Variants in HIPK3 observed in about 807,000 individuals in gnomAD.
The protein encoded by HIPK3 is homeodomain-interacting protein kinase 3.
In HIPK3, 47 loss-of-function variants were observed where a neutral mutation model predicts 124.2. The ratio of observed to expected loss-of-function variants is 0.38; its 90% CI spans 0.30 to 0.48. The LOEUF (loss-of-function observed/expected upper bound fraction) is 0.48. Among genes scored for constraint, HIPK3 ranks in the 20% least tolerant of loss-of-function variants. HIPK3 has a pLI of 0.98. For missense variants in HIPK3, 1,286 were observed against 1,454.3 expected, an observed-to-expected ratio of 0.88 and a Z score of 1.88; for synonymous variants, 482 against 515.2, an observed-to-expected ratio of 0.94 and a Z score of 0.87.
intron 9 of HIPK3, 21 bp from the exon 10 acceptor site, chr11:33,347,607 TG>T: frequency 6.2e-7 from 1 of 1,607,028 alleles, no homozygotes. Flanking sequence ...TATTTTCTAT[TG>T]TTTTGCTTTG....
rs111394837 is a variant in HIPK3 at position 33,292,060 on chromosome 11, G to A, written c.1097+4549G>A. ...TACATAGGAAGACCCGTAAAATAAC[G>A]GCTAATATTTTACATAGGGTACTTT... On this transcript the variant is annotated intron_variant, in intron 2 of 16. Transcript: ENST00000303296. 2.4e-3 allele frequency among the ~76,000 whole-genome samples: 368 copies of A among 152,122 alleles called. 1 individual carries two copies. The highest frequency in any genetic ancestry group is 8.3e-3 in the African/African-American group (345 of 41,482).
At chr11:33,273,805 A>T (rs191751449) in intron 1 of HIPK3, among the ~76,000 whole-genome samples, 1 of 152,176 alleles carries the variant, frequency 6.6e-6, no homozygotes, top group Non-Finnish European at 1.5e-5. Flanking sequence ...AAAGTACTAT[A>T]CTCAAGCTTA....
rs1039360500 is a variant in HIPK3, at chr11:33,316,706, C to T, written c.1098-11804C>T. Among the ~76,000 whole-genome samples, 3 of 151,990 alleles carry T rather than the reference C, an allele frequency of 2.0e-5. No homozygotes were observed. The South Asian group carries it at 6.2e-4, about 32-fold the overall frequency. ...GGCATGGTGGTGCACGCCTGTAGTC[C>T]CAGCTACTTGGGATGCTGGAGGGAG... On this transcript the variant is annotated intron_variant, in intron 2 of 16. Coordinates refer to ENST00000303296, the MANE Select transcript of HIPK3 (RefSeq NM_005734.5).
chr11:33,276,225 A>G (rs1231843638), intron 1 of HIPK3, among the ~76,000 whole-genome samples: 1 of 151,792 alleles, frequency 6.6e-6, no homozygotes, highest in Non-Finnish European at 1.5e-5. Context: ...ATGTCCCTTT[A>G]ACTCTAACTA....
intron 1 of HIPK3, among the ~76,000 whole-genome samples, chr11:33,279,324 CAAAA>C (rs869091127): frequency 3.1e-4 from 24 of 77,518 alleles, no homozygotes; most frequent in African/African-American, 1.1e-3. Flanking sequence ...CTCTTTGTCT[CAAAA>C]AAAAAAAAAA....
chr11:33,280,960 T>C (rs1851396353), intron 1 of HIPK3, among the ~76,000 whole-genome samples: 1 of 152,020 alleles, frequency 6.6e-6, no homozygotes, highest in Non-Finnish European at 1.5e-5. Context: ...TACATGGCCC[T>C]GGGAGCTTGT....
intron 3 of HIPK3, among the ~76,000 whole-genome samples, chr11:33,333,667 G>A (rs1279517047): frequency 1.3e-5 from 2 of 152,102 alleles, no homozygotes; most frequent in Non-Finnish European, 2.9e-5. Context: ...GATTTTCACT[G>A]GCCACTTTTG....
rs199916197 is a variant in HIPK3 at position 33,349,302 on chromosome 11, A to C, written c.2807+15A>C. 6.2e-7 allele frequency: 1 copy of C among 1,600,106 alleles called. No individual in the cohort carries two copies. The highest frequency in any genetic ancestry group is 1.1e-5 in the South Asian group (1 of 89,892). On this transcript the variant is annotated intron_variant, in intron 14 of 16. Coordinates refer to ENST00000303296, the MANE Select transcript of HIPK3 (RefSeq NM_005734.5). Reference sequence around the variant, plus strand: ...AGACCGAATAGGTAAAAGAATCTCAATAGTAGTGTGTAATAAATAGTAAGT... The same window carrying C: ...AGACCGAATAGGTAAAAGAATCTCACTAGTAGTGTGTAATAAATAGTAAGT...
chr11:33,313,988 G>A (rs961939577), intron 2 of HIPK3, among the ~76,000 whole-genome samples: 1 of 152,038 alleles, frequency 6.6e-6, no homozygotes, highest in Non-Finnish European at 1.5e-5. Flanking sequence ...GACTGAAGGT[G>A]TGCATGATGT....
At chr11:33,286,170 A>C (rs190755553) in intron 1 of HIPK3, among the ~76,000 whole-genome samples, 1,566 of 152,284 alleles carry the variant, frequency 0.01, 8 homozygotes, top group Non-Finnish European at 0.015. Flanking sequence ...CTTTATTCTT[A>C]GCCTTTTAAC....
chr11:33,324,860 C>T (rs2133963171), intron 2 of HIPK3, among the ~76,000 whole-genome samples: 1 of 152,356 alleles, frequency 6.6e-6, no homozygotes, highest in Non-Finnish European at 1.5e-5. Context: ...AGTTTCTCCT[C>T]ACCTCCTTCT....
At chr11:33,348,123 C>T in intron 11 of HIPK3, 43 bp from the exon 12 acceptor site, 2 of 1,608,252 alleles carry the variant, frequency 1.2e-6, no homozygotes, top group South Asian at 1.1e-5. Context: ...TCTTTTATAG[C>T]TTTGTTACAA....
rs1313900872 is a variant in HIPK3, at chr11:33,349,244, T to C, written c.2764T>C (p.Ser922Pro). The C allele has an allele frequency of 1.2e-6, 2 of 1,613,910 alleles. No individual in the cohort carries two copies. The highest frequency in any genetic ancestry group is 3.3e-5 in the Admixed American group (2 of 60,020). Residue 922 changes from serine (S) to proline (P), a missense_variant, in exon 14 of 17, where the codon TCC (serine) becomes CCC (proline). Physicochemically the swap from Ser to Pro is moderately conservative, Grantham distance 74 (BLOSUM62 -1). Coordinates refer to ENST00000303296, the MANE Select transcript of HIPK3 (RefSeq NM_005734.5). ...SSPDSTLSTS[S>P]SGQSSPSPCK... Reference sequence around the variant, plus strand: ...TCCTGATAGTACTCTGAGTACCAGCTCCTCAGGGCAGTCCAGCCCATCCCC... The same window carrying C: ...TCCTGATAGTACTCTGAGTACCAGCCCCTCAGGGCAGTCCAGCCCATCCCC...
At chr11:33,325,632 C>A (rs932460912) in intron 2 of HIPK3, among the ~76,000 whole-genome samples, 2 of 152,150 alleles carry the variant, frequency 1.3e-5, no homozygotes, top group Admixed American at 1.3e-4. Flanking sequence ...AAAACCAGAC[C>A]GTACTCTGAT....
chr11:33,348,413 T>C (rs1853561690), intron 12 of HIPK3, 109 bp from the exon 13 acceptor site: 2 of 1,060,224 alleles, frequency 1.9e-6, no homozygotes, highest in African/African-American at 1.6e-5. Flanking sequence ...GTTATATTCA[T>C]GAACTCGAAC....
chr11:33,348,611 G>T lies in HIPK3; in HGVS notation c.2459G>T (p.Cys820Phe). Residue 820 changes from cysteine to phenylalanine, a missense_variant, in exon 13 of 17, where the codon TGT becomes TTT. Cys to Phe is a radical substitution (Grantham distance 205). Coordinates refer to ENST00000303296, the MANE Select transcript of HIPK3 (RefSeq NM_005734.5). The part of the protein sequence containing the change: ...INGKDVEEVS[C>F]IETQDNQNSE... ...GGGAAAGATGTCGAGGAAGTAAGTTGTATAGAAACACAGGACAATCAGAAC... is the reference window on the plus strand; with the variant it reads ...GGGAAAGATGTCGAGGAAGTAAGTTTTATAGAAACACAGGACAATCAGAAC... The T allele has an allele frequency of 6.2e-7, 1 of 1,614,020 alleles. No homozygotes were observed. Among genetic ancestry groups the T allele is most frequent in the Non-Finnish European group, 8.5e-7 (1 of 1,179,894 alleles).
At chr11:33,328,449 T>G (rs1211915159) in intron 2 of HIPK3, 61 bp from the exon 3 acceptor site, 33 of 1,544,292 alleles carry the variant, frequency 2.1e-5, no homozygotes, top group Non-Finnish European at 2.7e-5. Context: ...AGAATGCCAG[T>G]TGAAATTAGG....
chr11:33,310,104 A>G (rs932960502), intron 2 of HIPK3, among the ~76,000 whole-genome samples: 1 of 151,990 alleles, frequency 6.6e-6, no homozygotes, highest in African/African-American at 2.4e-5. Flanking sequence ...TTGGCATTTG[A>G]TTATATTTCT....
At chr11:33,263,962 T>G (rs1850890921) in intron 1 of HIPK3, among the ~76,000 whole-genome samples, 1 of 149,232 alleles carries the variant, frequency 6.7e-6, no homozygotes, top group Non-Finnish European at 1.5e-5. Flanking sequence ...TGAGTTTGAG[T>G]TATAGGATAT....
Sources: allele counts gnomAD v4.1 joint callset (sites outside exome capture counted in the v4.1 genomes callset), GRCh38; gene constraint gnomAD v4.1.1; transcripts MANE v1.5; gene names NCBI Gene and HGNC (gene_info 2026-07-23, HGNC 2026-07-21).